RYR2: variants seen among roughly 807,000 people sequenced by gnomAD.
RYR2 encodes the protein ryanodine receptor 2, also known as cardiac muscle ryanodine receptor-calcium release channel.
In RYR2, 227 loss-of-function variants were observed where a neutral mutation model predicts 601.1. The observed-to-expected ratio is 0.38, with a 90% CI of 0.34 to 0.42. RYR2 has a LOEUF of 0.42. Among genes scored for constraint, RYR2 ranks in the 10% least tolerant of loss-of-function variants. The pLI is 1.00. For synonymous variants in RYR2, 2,223 were observed against 2,175.1 expected (o/e 1.02, Z -0.61); for missense variants, 4,646 against 6,156.5 (o/e 0.75, Z 8.21).
chr1:237,776,734 G>A (rs983533313), intron 87 of RYR2, among the ~76,000 whole-genome samples: 1 of 151,992 alleles, frequency 6.6e-6, no homozygotes, highest in Non-Finnish European at 1.5e-5. Flanking sequence ...TATGGGGAAG[G>A]AAAGGTCTCT....
intron 91 of RYR2, 158 bp from the exon 92 acceptor site, chr1:237,787,830 T>C: frequency 2.9e-6 from 2 of 697,474 alleles, no homozygotes; most frequent in Non-Finnish European, 4.8e-6. Flanking sequence ...CTACCCCTGA[T>C]TCTAAAATTC....
chr1:237,241,841 G>A (rs1271742932), intron 1 of RYR2, among the ~76,000 whole-genome samples: 1 of 152,142 alleles, frequency 6.6e-6, no homozygotes, highest in East Asian at 1.9e-4. Context: ...AGTGCCTTTA[G>A]CATGCTGATG....
intron 1 of RYR2, among the ~76,000 whole-genome samples, chr1:237,212,831 GTAGC>G (rs1682740386): frequency 6.6e-6 from 1 of 152,108 alleles, no homozygotes; most frequent in Non-Finnish European, 1.5e-5. Context: ...CTGGAGTGCA[GTAGC>G]GTGATCTCGA....
At chr1:237,248,340 T>G (rs1687116774) in intron 1 of RYR2, among the ~76,000 whole-genome samples, 1 of 131,550 alleles carries the variant, frequency 7.6e-6, no homozygotes, top group African/African-American at 2.9e-5. Context: ...ATCCATTGGT[T>G]TCAAAGGAGA....
intron 10 of RYR2, among the ~76,000 whole-genome samples, chr1:237,391,363 GA>G (rs1553433380): frequency 6.6e-6 from 1 of 152,142 alleles, no homozygotes; most frequent in Non-Finnish European, 1.5e-5. Flanking sequence ...ATGAAAGCTA[GA>G]GAAGGTCCTG....
intron 1 of RYR2, among the ~76,000 whole-genome samples, chr1:237,191,705 T>C (rs2149000364): frequency 6.6e-6 from 1 of 152,318 alleles, no homozygotes; most frequent in South Asian, 2.1e-4. Flanking sequence ...TTTAACAACT[T>C]TTGACTTCAT....
chr1:237,798,065 G>T lies in RYR2; in HGVS notation c.13985G>T (p.Gly4662Val), dbSNP rs568285574. 1 of 1,611,262 alleles carries T rather than the reference G, an allele frequency of 6.2e-7. No individual in the cohort carries two copies. Among genetic ancestry groups the T allele is most frequent in the African/African-American group, 1.3e-5 (1 of 75,006 alleles). ...ATGGATAAATATGGAGAGTTCTACG[G>T]CCGAGACAGAATCAGTGAATTACTT... ...KVMDKYGEFY[G>V]RDRISELLGM... is the part of the protein sequence containing the mutation. Residue 4662 changes from glycine to valine, a missense_variant, in exon 97 of 105, where the codon GGC becomes GTC. By Grantham distance (109) the Gly-to-Val change is moderately radical. Transcript: ENST00000366574.
At chr1:237,128,245 G>A (rs1001923973) in intron 1 of RYR2, among the ~76,000 whole-genome samples, 1 of 152,192 alleles carries the variant, frequency 6.6e-6, no homozygotes, top group East Asian at 1.9e-4. Context: ...GTGGCGGCAC[G>A]AGCCTGCGAT....
At chr1:237,812,200 C>A (rs1313064091) in intron 100 of RYR2, among the ~76,000 whole-genome samples, 1 of 152,172 alleles carries the variant, frequency 6.6e-6, no homozygotes, top group Non-Finnish European at 1.5e-5. Context: ...GAAGAGGTGA[C>A]ACTCTTCAAC....
intron 87 of RYR2, among the ~76,000 whole-genome samples, chr1:237,777,065 A>C (rs1694722779): frequency 6.6e-6 from 1 of 152,060 alleles, no homozygotes. Flanking sequence ...ATGCTACCCA[A>C]CTTCAGAAGA....
intron 34 of RYR2, among the ~76,000 whole-genome samples, chr1:237,598,257 G>T (rs1283572529): frequency 1.3e-5 from 2 of 152,144 alleles, no homozygotes; most frequent in Non-Finnish European, 2.9e-5. Flanking sequence ...AGATAATCCA[G>T]ACAGAAATTC....
intron 1 of RYR2, among the ~76,000 whole-genome samples, chr1:237,127,341 T>C (rs1448198030): frequency 1.3e-5 from 2 of 151,392 alleles, no homozygotes; most frequent in African/African-American, 2.4e-5. Context: ...GAGGGGCTCC[T>C]CACTTCCCAG....
chr1:237,496,613 T>C lies in RYR2; in HGVS notation c.2064T>C (p.Ala688=). Residue 688 remains alanine (A), a synonymous_variant, in exon 20 of 105, where the codon GCT becomes GCC. Coordinates refer to ENST00000366574, the MANE Select transcript of RYR2 (RefSeq NM_001035.3). ...MVDHTEPFVT[A]EATHLRVGWA... The stretch of plus-strand genomic sequence containing the variant: ...ACCACACAGAGCCCTTTGTGACAGC[T>C]GAAGCAACTCACCTGCGAGTGGGCT... 2 of 1,613,982 alleles carry C rather than the reference T, an allele frequency of 1.2e-6. No individual in the cohort carries two copies. Among genetic ancestry groups the C allele is most frequent in the Non-Finnish European group, 1.7e-6 (2 of 1,179,898 alleles).
At chr1:237,726,370 TTTTC>T in intron 75 of RYR2, 62 bp downstream of exon 75, 1 of 1,062,190 alleles carries the variant, frequency 9.4e-7, no homozygotes, top group Non-Finnish European at 1.4e-6. Context: ...TGTTGGGATT[TTTTC>T]TTTCTAATAC....
At chr1:237,212,044 A>G (rs535033732) in intron 1 of RYR2, among the ~76,000 whole-genome samples, 161 of 152,090 alleles carry the variant, frequency 1.1e-3, no homozygotes, top group Non-Finnish European at 1.5e-3. Context: ...CAGATGGCTA[A>G]GCATTAAATT....
chr1:237,254,764 A>G (rs1687785859), intron 1 of RYR2, among the ~76,000 whole-genome samples: 1 of 152,222 alleles, frequency 6.6e-6, no homozygotes, highest in Admixed American at 6.5e-5. Flanking sequence ...TTTCATAGAC[A>G]CATAATATCT....
At chr1:237,252,980 C>T (rs1687606575) in intron 1 of RYR2, among the ~76,000 whole-genome samples, 1 of 151,954 alleles carries the variant, frequency 6.6e-6, no homozygotes, top group Admixed American at 6.6e-5. Context: ...GCCTGGCCAA[C>T]ATTATGAAAC....
At position 237,627,941 on chromosome 1, in the gene RYR2, G is replaced by A; in HGVS notation, c.6301G>A (p.Ala2101Thr). ...TGACGGCATTGGGGGTCTTGTTCGG[G>A]CCCTGCCAAAGACCTACACGATAAA... The part of the protein sequence containing the change: ...QYDGIGGLVR[A>T]LPKTYTINGV... The change falls in exon 41 of 105, where the codon GCC becomes ACC. Residue 2101 changes from alanine to threonine, a missense_variant. Ala to Thr is a moderately conservative substitution (Grantham distance 58). Transcript: ENST00000366574. 1 of 1,613,830 alleles carries A rather than the reference G, an allele frequency of 6.2e-7. No individual in the cohort carries two copies. Among genetic ancestry groups the A allele is most frequent in the Non-Finnish European group, 8.5e-7 (1 of 1,179,856 alleles).
At position 237,717,279 on chromosome 1, in the gene RYR2, G is replaced by C. The variant is rs759811978; in HGVS notation, c.10405G>C (p.Ala3469Pro). ...YSMQTSLIVA[A>P]LKRLLPIGLN... ...CATGCAGACCTCTCTGATTGTAGCA[G>C]CTCTGAAGCGGTTACTGCCCATTGG... Residue 3469 changes from alanine to proline, a missense_variant, in exon 72 of 105, where the codon GCT (alanine) becomes CCT (proline). This residue lies in a region of RYR2 where 1,497 missense variants were observed against 1,842.6 expected (regional missense o/e 0.81). Coordinates refer to ENST00000366574, the MANE Select transcript of RYR2 (RefSeq NM_001035.3). 6.2e-7 allele frequency: 1 copy of C among 1,613,642 alleles called. No homozygotes were observed. Among genetic ancestry groups the C allele is most frequent in the East Asian group, 2.2e-5 (1 of 44,858 alleles).
Sources: allele counts gnomAD v4.1 joint callset (sites outside exome capture counted in the v4.1 genomes callset), GRCh38; gene constraint gnomAD v4.1.1; regional missense constraint gnomAD v4.1.1; transcripts MANE v1.5; gene names NCBI Gene and HGNC (gene_info 2026-07-23, HGNC 2026-07-21).